Variants in ZC3H12B observed in about 807,000 individuals in gnomAD.
The protein encoded by ZC3H12B is zinc finger CCCH-type containing 12B.
Under a neutral mutation model 43.9 loss-of-function variants are expected in ZC3H12B, and 7 were observed. That is an observed-to-expected ratio of 0.16 (90% CI 0.09 to 0.30). The LOEUF is 0.30. Among genes scored for constraint, ZC3H12B ranks in the 10% least tolerant of loss-of-function variants. ZC3H12B has a pLI of 1.00. For synonymous variants in ZC3H12B, 222 were observed against 241.7 expected (o/e 0.92, Z 0.76); for missense variants, 475 against 670.2 (o/e 0.71, Z 3.22).
chrX:65,227,572 C>A, the ZC3H12B span, among the ~76,000 whole-genome samples: 1 of 111,205 alleles, frequency 9.0e-6, no homozygotes. Context: ...AAAAACCCTT[C>A]AAAAAATTAA....
chrX:65,035,785 C>T, the ZC3H12B span, among the ~76,000 whole-genome samples: 19 of 111,477 alleles, frequency 1.7e-4, no homozygotes, highest in Middle Eastern at 4.6e-3. Flanking sequence ...TTGTGCCTGG[C>T]TTCTGACTCC....
At chrX:65,215,105 G>C in the ZC3H12B span, among the ~76,000 whole-genome samples, 1 of 111,585 alleles carries the variant, frequency 9.0e-6, no homozygotes, top group African/African-American at 3.3e-5. Flanking sequence ...TCTCATCCAG[G>C]CTTCGTTTGT....
intron 3 of ZC3H12B, among the ~76,000 whole-genome samples, chrX:65,446,669 T>G (rs1479326373): frequency 1.8e-5 from 2 of 111,807 alleles, no homozygotes; most frequent in Non-Finnish European, 3.8e-5. Context: ...AATCACTGTA[T>G]TCACCCTCCC....
At chrX:65,305,273 C>A in the ZC3H12B span, among the ~76,000 whole-genome samples, 1 of 111,168 alleles carries the variant, frequency 9.0e-6, no homozygotes, top group East Asian at 2.8e-4. Context: ...TTAAACAGAG[C>A]AGGGCTTGAA....
intron 3 of ZC3H12B, among the ~76,000 whole-genome samples, chrX:65,424,161 G>A (rs1461672319): frequency 8.9e-6 from 1 of 111,774 alleles, no homozygotes; most frequent in Non-Finnish European, 1.9e-5. Flanking sequence ...CAGCCATTCT[G>A]ACTAATGTGA....
At chrX:65,476,588 G>A (rs779770559) in intron 3 of ZC3H12B, among the ~76,000 whole-genome samples, 23 of 111,494 alleles carry the variant, frequency 2.1e-4, no homozygotes, top group African/African-American at 7.5e-4. Flanking sequence ...AAAAGGTGAA[G>A]ATTTCTCAGA....
At chrX:65,172,229 G>T in the ZC3H12B span, among the ~76,000 whole-genome samples, 1 of 112,458 alleles carries the variant, frequency 8.9e-6, no homozygotes, top group African/African-American at 3.2e-5. Context: ...CTACATAAAT[G>T]TTTTCTTTTA....
intron 3 of ZC3H12B, among the ~76,000 whole-genome samples, chrX:65,433,152 G>A (rs747418259): frequency 1.6e-3 from 177 of 112,557 alleles, no homozygotes; most frequent in African/African-American, 5.4e-3. Flanking sequence ...AACCACATCT[G>A]GTACAGCAGC....
the ZC3H12B span, among the ~76,000 whole-genome samples, chrX:65,182,496 C>A: frequency 9.0e-6 from 1 of 110,869 alleles, no homozygotes; most frequent in South Asian, 3.8e-4. Context: ...TCTGTCAGTA[C>A]CATTCTGTAC....
the ZC3H12B span, among the ~76,000 whole-genome samples, chrX:65,309,410 T>C: frequency 8.9e-6 from 1 of 111,792 alleles, no homozygotes; most frequent in Middle Eastern, 4.7e-3. Context: ...AATGGATAAA[T>C]TCCTGGACAC....
At chrX:65,138,773 A>T in the ZC3H12B span, among the ~76,000 whole-genome samples, 1 of 111,583 alleles carries the variant, frequency 9.0e-6, no homozygotes. Context: ...CTTTTTGATA[A>T]TAGCCATTGT....
At chrX:65,275,653 A>C in the ZC3H12B span, among the ~76,000 whole-genome samples, 33 of 112,584 alleles carry the variant, frequency 2.9e-4, no homozygotes, top group East Asian at 8.4e-3. Context: ...AAGAAAGGTG[A>C]GTGCACTTCG....
chrX:65,377,769 C>A (rs185192286), intron 2 of ZC3H12B, among the ~76,000 whole-genome samples: 225 of 111,632 alleles, frequency 2.0e-3, no homozygotes, highest in African/African-American at 6.8e-3. Flanking sequence ...AAAGGAAGTA[C>A]TTCAATCAGA....
At chrX:65,451,792 G>T (rs908424677) in intron 3 of ZC3H12B, among the ~76,000 whole-genome samples, 6 of 111,925 alleles carry the variant, frequency 5.4e-5, no homozygotes, top group African/African-American at 1.9e-4. Flanking sequence ...CTCTGGGTTT[G>T]TGCGTTTAAT....
the ZC3H12B span, among the ~76,000 whole-genome samples, chrX:65,060,248 G>A: frequency 8.9e-6 from 1 of 112,151 alleles, no homozygotes; most frequent in Middle Eastern, 4.6e-3. Context: ...TCAGTATTGT[G>A]TTGAATAACA....
intron 3 of ZC3H12B, among the ~76,000 whole-genome samples, chrX:65,439,066 G>A (rs1475586784): frequency 1.8e-5 from 2 of 112,533 alleles, no homozygotes; most frequent in Admixed American, 9.4e-5. Context: ...GAGATTAAAA[G>A]CACAGTCATT....
At chrX:65,502,514 G>A in exon 5 of ZC3H12B, 2 of 1,211,006 alleles carry the variant, frequency 1.7e-6, no homozygotes, top group Non-Finnish European at 2.2e-6. Context: ...TTTGGCTGTA[G>A]CTGATACCCA....
At position 65,433,538 on chromosome X, in the gene ZC3H12B, C is replaced by A. The variant is rs758778587; in HGVS notation, n.407+34834C>A. Among the ~76,000 whole-genome samples, 37 of 111,893 alleles carry A rather than the reference C, an allele frequency of 3.3e-4. 1 individual carries two copies. The South Asian group carries it at 0.014, about 41-fold the overall frequency. On this transcript the variant is annotated intron_variant and non_coding_transcript_variant, in intron 3 of 5. Transcript: ENST00000617377. ...ATCACAGGATGAGTTCAAAGATCCACTGGGCCCATTGTGAGATTAATCTAA... is the reference window on the plus strand; with the variant it reads ...ATCACAGGATGAGTTCAAAGATCCAATGGGCCCATTGTGAGATTAATCTAA...
the ZC3H12B span, among the ~76,000 whole-genome samples, chrX:65,189,298 T>C: frequency 1.1e-5 from 1 of 93,690 alleles, no homozygotes; most frequent in East Asian, 3.4e-4. Flanking sequence ...TTATAGTCGT[T>C]TGGGTATATA....
Sources: gnomAD v4.1 joint callset for allele counts (sites outside exome capture counted in the v4.1 genomes callset) on GRCh38, gnomAD v4.1.1 for gene constraint, MANE v1.5 for transcripts, NCBI Gene and HGNC (gene_info 2026-07-23, HGNC 2026-07-21) for gene names.